ATXN7: variants seen among roughly 807,000 people sequenced by gnomAD.
The protein encoded by ATXN7 is ataxin 7, also known as ataxin-7.
In ATXN7, 12 loss-of-function variants were observed where a neutral mutation model predicts 70.5. The observed-to-expected ratio is 0.17, with a 90% CI of 0.11 to 0.28. The LOEUF (loss-of-function observed/expected upper bound fraction) is 0.28, where lower values mean the gene tolerates loss of function less well. Among genes scored for constraint, ATXN7 ranks in the 10% least tolerant of loss-of-function variants. The pLI, the probability that ATXN7 is intolerant of heterozygous loss-of-function variation, is 1.00. For synonymous variants in ATXN7, 498 were observed against 448.7 expected, an observed-to-expected ratio of 1.11 and a Z score of -1.39; for missense variants, 1,256 against 1,131.7, an observed-to-expected ratio of 1.11 and a Z score of -1.58.
intron 1 of ATXN7, among the ~76,000 whole-genome samples, chr3:63,885,392 A>G (rs1202108140): frequency 6.6e-6 from 1 of 152,216 alleles, no homozygotes; most frequent in Admixed American, 6.5e-5. Flanking sequence ...CCACAGTGAG[A>G]TATCACCTCA....
In ATXN7 at chr3:63,988,279, C is replaced by A; in HGVS notation, c.1316C>A (p.Pro439His). The A allele has an allele frequency of 6.2e-7, 1 of 1,614,062 alleles. No homozygotes were observed. Among genetic ancestry groups the A allele is most frequent in the Non-Finnish European group, 8.5e-7 (1 of 1,180,026 alleles). Residue 439 changes from proline (P) to histidine (H), a missense_variant, in exon 9 of 13, where the codon CCT becomes CAT. By Grantham distance (77) the Pro-to-His change is moderately conservative. Transcript: ENST00000674280. ...PHGVIPSESKPFVASKPKPHT... is the reference protein window; with the variant it reads ...PHGVIPSESKHFVASKPKPHT... Reference sequence around the variant, plus strand: ...GGAGTGATTCCTTCCGAATCAAAGCCTTTTGTAGCTAGTAAACCTAAACCT... The same window carrying A: ...GGAGTGATTCCTTCCGAATCAAAGCATTTTGTAGCTAGTAAACCTAAACCT...
At chr3:63,970,587 T>G (rs893238329) in intron 5 of ATXN7, among the ~76,000 whole-genome samples, 11 of 152,156 alleles carry the variant, frequency 7.2e-5, no homozygotes, top group African/African-American at 2.7e-4. Context: ...CCCCCAGATA[T>G]TCAATAACTT....
chr3:63,999,155 A>G, intron 12 of ATXN7: 1 of 331,212 alleles, frequency 3.0e-6, no homozygotes. Context: ...CAAAATCAGT[A>G]AATAAAACCA....
At position 63,988,151 on chromosome 3, in the gene ATXN7, G is replaced by A. The variant is rs2075609405; in HGVS notation, c.1188G>A (p.Lys396=). ...AGCACAAAAACAAAACCAGGGAAAA[G>A]GAATTGATTCGCCATCCGGACTCTC... The part of the protein sequence containing the change: ...LAEHKNKTRE[K]ELIRHPDSQQ... The change falls in exon 9 of 13, where the codon AAG becomes AAA. Residue 396 remains lysine (K), a synonymous_variant. Coordinates refer to ENST00000674280, the MANE Select transcript of ATXN7 (RefSeq NM_001377405.1). The A allele has an allele frequency of 6.2e-7, 1 of 1,614,154 alleles. No individual in the cohort carries two copies. The highest frequency in any genetic ancestry group is 1.3e-5 in the African/African-American group (1 of 75,038).
At chr3:63,904,736 T>C (rs1286926130) in intron 2 of ATXN7, 1 of 152,232 alleles carries the variant, frequency 6.6e-6, no homozygotes, top group East Asian at 1.9e-4. Flanking sequence ...TTCAGTTCTT[T>C]TGAGTGTATA....
Position 63,996,099 on chromosome 3 carries a change from C to A in ATXN7, c.2277C>A (p.Asn759Lys). The A allele has an allele frequency of 6.2e-7, 1 of 1,614,226 alleles. No homozygotes were observed. The highest frequency in any genetic ancestry group is 1.1e-5 in the South Asian group (1 of 91,092). ...CATCTTCCCATAGCATCGGCCTCAA[C>A]TGTGTGACGAATAAAGCAAATGCGG... ...TVTSSHSIGL[N>K]CVTNKANAVN... is the part of the protein sequence containing the mutation. The change falls in exon 12 of 13, where the codon AAC becomes AAA. Residue 759 changes from asparagine to lysine, a missense_variant. Coordinates refer to ENST00000674280, the MANE Select transcript of ATXN7 (RefSeq NM_001377405.1).
chr3:63,869,334 C>T (rs945215819), intron 1 of ATXN7, among the ~76,000 whole-genome samples: 1 of 152,204 alleles, frequency 6.6e-6, no homozygotes, highest in Non-Finnish European at 1.5e-5. Flanking sequence ...TACTCCTAGG[C>T]TCCTAGTAAG....
chr3:63,986,099 G>GGGAGAGGTA (rs1157229894), intron 8 of ATXN7, among the ~76,000 whole-genome samples: 1 of 152,194 alleles, frequency 6.6e-6, no homozygotes, highest in East Asian at 1.9e-4. Flanking sequence ...TGAGAGGGAT[G>GGGAGAGGTA]GGAGAGGTAG....
intron 11 of ATXN7, 34 bp downstream of exon 11, chr3:63,990,893 C>T (rs755507612): frequency 2.5e-6 from 4 of 1,614,022 alleles, no homozygotes; most frequent in South Asian, 1.1e-5. Flanking sequence ...GAGGAGCTGA[C>T]TTTACACAGT....
chr3:63,863,437 G>A, upstream of ATXN7: 1 of 1,113,920 alleles, frequency 9.0e-7, no homozygotes, highest in Non-Finnish European at 1.1e-6. Context: ...ACCCGCCCTT[G>A]CACCGCTTCT....
chr3:63,959,000 T>C (rs2075080068), intron 5 of ATXN7, among the ~76,000 whole-genome samples: 1 of 152,238 alleles, frequency 6.6e-6, no homozygotes, highest in South Asian at 2.1e-4. Flanking sequence ...TGAAGTAGAA[T>C]TTTAAGTTTG....
rs774931594 is a variant in ATXN7, at chr3:63,980,090, C to T, written c.675C>T (p.Pro225=). The part of the protein sequence containing the change: ...SSSSSKLLKS[P]KEKLQLRGNT... The stretch of plus-strand genomic sequence containing the variant: ...CAAGTTCCAAGTTGTTGAAATCACC[C>T]AAAGAGAAACTGCAGCTCAGGGGGA... Residue 225 remains proline (P), a synonymous_variant, in exon 6 of 13, where the codon CCC becomes CCT. Coordinates refer to ENST00000674280, the MANE Select transcript of ATXN7 (RefSeq NM_001377405.1). 1 of 1,614,126 alleles carries T rather than the reference C, an allele frequency of 6.2e-7. No homozygotes were observed. Among genetic ancestry groups the T allele is most frequent in the South Asian group, 1.1e-5 (1 of 91,084 alleles).
Position 63,982,063 on chromosome 3 carries a change from A to G in ATXN7, c.753-123A>G, listed in dbSNP as rs1012450012. 9.3e-6 allele frequency: 12 copies of G among 1,293,608 alleles called. 1 individual carries two copies. The South Asian group carries it at 1.5e-4, about 16-fold the overall frequency. 80.1% of individuals were successfully genotyped at this position (1,293,608 alleles called of 1,614,324 possible). A position where few individuals can be genotyped will look rare whatever the true frequency, so the allele number is the denominator to read the frequency against. On this transcript the variant is annotated intron_variant, in intron 6 of 12. Transcript: ENST00000674280. ...AACAAAACTCATAAGGAGCCTTCCAAGAGGCTGGCCCTGTGCAGCGCTTGG... is the reference window on the plus strand; with the variant it reads ...AACAAAACTCATAAGGAGCCTTCCAGGAGGCTGGCCCTGTGCAGCGCTTGG...
chr3:63,870,006 A>G (rs1461624725), intron 1 of ATXN7, among the ~76,000 whole-genome samples: 2 of 152,146 alleles, frequency 1.3e-5, no homozygotes, highest in Admixed American at 6.5e-5. Context: ...CCATCAAACA[A>G]CTGTGTGATT....
intron 4 of ATXN7, among the ~76,000 whole-genome samples, chr3:63,932,037 T>C (rs1307483974): frequency 6.6e-6 from 1 of 152,152 alleles, no homozygotes; most frequent in Admixed American, 6.5e-5. Context: ...AAATATACCT[T>C]CCAACAGATT....
intron 1 of ATXN7, among the ~76,000 whole-genome samples, chr3:63,884,024 C>T (rs867406137): frequency 2.6e-5 from 4 of 151,972 alleles, no homozygotes; most frequent in African/African-American, 9.7e-5. Context: ...TAATTTTGTT[C>T]ATTTACTATA....
At chr3:63,913,359 G>T in intron 4 of ATXN7, 134 bp downstream of exon 4, 1 of 910,724 alleles carries the variant, frequency 1.1e-6, no homozygotes. Context: ...TGCCTGAGGA[G>T]GGAGGGAGGG....
At chr3:63,879,021 GA>G (rs1027032284) in intron 1 of ATXN7, among the ~76,000 whole-genome samples, 1 of 152,192 alleles carries the variant, frequency 6.6e-6, no homozygotes, top group African/African-American at 2.4e-5. Context: ...CAGTATGGTG[GA>G]AAGTTGGTCT....
At chr3:63,869,181 T>C (rs1441622805) in intron 1 of ATXN7, among the ~76,000 whole-genome samples, 1 of 152,246 alleles carries the variant, frequency 6.6e-6, no homozygotes, top group Non-Finnish European at 1.5e-5. Context: ...GAAATGGTTA[T>C]GAACACAGCC....
Sources: allele counts gnomAD v4.1 joint callset (sites outside exome capture counted in the v4.1 genomes callset), GRCh38; gene constraint gnomAD v4.1.1; transcripts MANE v1.5; gene names NCBI Gene and HGNC (gene_info 2026-07-23, HGNC 2026-07-21).